Variants in WDFY3 observed in about 807,000 individuals in gnomAD.
The protein encoded by WDFY3 is WD repeat and FYVE domain containing 3.
WDFY3 carries 66 observed loss-of-function variants against 409.6 expected under a neutral mutation model. The ratio of observed to expected loss-of-function variants is 0.16; its 90% CI spans 0.13 to 0.20. The LOEUF (loss-of-function observed/expected upper bound fraction) is 0.20. Among genes scored for constraint, WDFY3 ranks in the 10% least tolerant of loss-of-function variants. The pLI is 1.00. For synonymous variants in WDFY3, 1,521 were observed against 1,537.1 expected, an observed-to-expected ratio of 0.99 and a Z score of 0.25; for missense variants, 3,031 against 4,298.1, an observed-to-expected ratio of 0.71 and a Z score of 8.24.
intron 58 of WDFY3, among the ~76,000 whole-genome samples, chr4:84,695,177 T>C (rs1425417644): frequency 6.6e-6 from 1 of 152,056 alleles, no homozygotes; most frequent in Non-Finnish European, 1.5e-5. Context: ...ACAGAAGGGA[T>C]GAGGTCTCTT....
chr4:84,814,915 G>T (rs1207756580), intron 13 of WDFY3, among the ~76,000 whole-genome samples: 2 of 152,036 alleles, frequency 1.3e-5, no homozygotes, highest in African/African-American at 4.8e-5. Flanking sequence ...GAAGATATGG[G>T]GGGACTACCA....
intron 3 of WDFY3, among the ~76,000 whole-genome samples, chr4:84,892,547 A>C (rs1210790992): frequency 2.0e-5 from 3 of 152,172 alleles, no homozygotes; most frequent in African/African-American, 7.2e-5. Flanking sequence ...CAAAATAAAG[A>C]CCACTTATTG....
intron 44 of WDFY3, among the ~76,000 whole-genome samples, chr4:84,730,519 C>A (rs1376499031): frequency 6.6e-6 from 1 of 152,154 alleles, no homozygotes; most frequent in East Asian, 1.9e-4. Context: ...TATACTCCTA[C>A]CTTACTACAC....
intron 2 of WDFY3, among the ~76,000 whole-genome samples, chr4:84,912,592 G>A (rs1767933341): frequency 6.6e-6 from 1 of 152,078 alleles, no homozygotes; most frequent in Non-Finnish European, 1.5e-5. Flanking sequence ...GGTAATTTTA[G>A]AAAGAGGTAT....
intron 32 of WDFY3, among the ~76,000 whole-genome samples, chr4:84,763,073 ATTC>A (rs1742980732): frequency 6.6e-6 from 1 of 152,212 alleles, no homozygotes; most frequent in Non-Finnish European, 1.5e-5. Flanking sequence ...AAAAACTGGC[ATTC>A]TCATTTTCCT....
At chr4:84,946,273 C>T (rs1270504148) in intron 1 of WDFY3, among the ~76,000 whole-genome samples, 1 of 152,148 alleles carries the variant, frequency 6.6e-6, no homozygotes, top group African/African-American at 2.4e-5. Context: ...AGGACTGTGG[C>T]CACCATTTAT....
chr4:84,717,986 T>G (rs1281241510), intron 48 of WDFY3, among the ~76,000 whole-genome samples: 1 of 146,524 alleles, frequency 6.8e-6, no homozygotes, highest in Admixed American at 7.1e-5. Context: ...AGGCGGAGCT[T>G]GCAGTGAGCC....
chr4:84,786,813 T>C (rs1014060873), intron 23 of WDFY3, among the ~76,000 whole-genome samples: 1 of 152,168 alleles, frequency 6.6e-6, no homozygotes, highest in Non-Finnish European at 1.5e-5. Context: ...CCAAGAAGTG[T>C]TAGCTTTTAT....
At chr4:84,857,783 A>G (rs1229674353) in intron 4 of WDFY3, among the ~76,000 whole-genome samples, 1 of 152,152 alleles carries the variant, frequency 6.6e-6, no homozygotes, top group African/African-American at 2.4e-5. Context: ...TTCATAAGTA[A>G]GGAAATGTAC....
intron 1 of WDFY3, among the ~76,000 whole-genome samples, chr4:84,950,990 C>T (rs1486311105): frequency 6.6e-6 from 1 of 152,298 alleles, no homozygotes; most frequent in Middle Eastern, 3.4e-3. Flanking sequence ...GAGAAACTCA[C>T]TTTTTCCAAA....
At chr4:84,798,343 TA>T (rs1350330990) in intron 17 of WDFY3, among the ~76,000 whole-genome samples, 1 of 152,194 alleles carries the variant, frequency 6.6e-6, no homozygotes, top group Non-Finnish European at 1.5e-5. Flanking sequence ...GAGAATATTA[TA>T]ATTCATAAAC....
intron 38 of WDFY3, among the ~76,000 whole-genome samples, chr4:84,741,462 G>T (rs1010013150): frequency 1.3e-5 from 2 of 151,912 alleles, no homozygotes; most frequent in African/African-American, 4.8e-5. Context: ...TTACAGGCGC[G>T]CACCAACATG....
rs758416622 is a variant in WDFY3 at position 84,691,695 on chromosome 4, T to C, written c.9140A>G (p.Asn3047Ser). ...QNKVLIPPTW[N>S]KTFAWGYADL... ...TGCATAGCCCCAAGCAAAAGTTTTATTCCAGGTTGGTGGGATAAGAACCTT... is the reference window on the plus strand; with the variant it reads ...TGCATAGCCCCAAGCAAAAGTTTTACTCCAGGTTGGTGGGATAAGAACCTT... The change falls in exon 60 of 68, where the codon AAT (asparagine) becomes AGT (serine). Residue 3047 changes from asparagine to serine, a missense_variant. Coordinates refer to ENST00000295888, the MANE Select transcript of WDFY3 (RefSeq NM_014991.6). The C allele has an allele frequency of 1.2e-6, 2 of 1,614,174 alleles. No individual in the cohort carries two copies. The highest frequency in any genetic ancestry group is 1.7e-6 in the Non-Finnish European group (2 of 1,180,020).
chr4:84,769,885 C>G (rs1253649011), intron 30 of WDFY3, among the ~76,000 whole-genome samples: 1 of 152,130 alleles, frequency 6.6e-6, no homozygotes, highest in Non-Finnish European at 1.5e-5. Flanking sequence ...CCACAGCCAC[C>G]TCAACCTTCA....
chr4:84,730,329 G>A lies in WDFY3; in HGVS notation c.7221+3053C>T, dbSNP rs571124173. Among the ~76,000 whole-genome samples, 20 of 152,286 alleles carry A rather than the reference G, an allele frequency of 1.3e-4. No homozygotes were observed. The South Asian group carries it at 4.1e-3, about 32-fold the overall frequency. On this transcript the variant is annotated intron_variant, in intron 44 of 67. Coordinates refer to ENST00000295888, the MANE Select transcript of WDFY3 (RefSeq NM_014991.6). ...AAAGGAAAAAAGTCTATAACTTAGG[G>A]AAGACAAGAGTGCTGGCAGTTCATT...
At chr4:84,691,837 A>G in intron 59 of WDFY3, 52 bp from the exon 60 acceptor site, 1 of 1,499,806 alleles carries the variant, frequency 6.7e-7, no homozygotes, top group Non-Finnish European at 9.1e-7. Context: ...AACTAATGTC[A>G]TTATCTCATA....
chr4:84,763,050 T>TAA (rs933267065), intron 32 of WDFY3, among the ~76,000 whole-genome samples: 4 of 151,086 alleles, frequency 2.6e-5, no homozygotes, highest in Non-Finnish European at 5.9e-5. Flanking sequence ...TTGCAAGTCC[T>TAA]AAAAAAAAAC....
At chr4:84,810,715 G>A (rs1476235857) in intron 13 of WDFY3, among the ~76,000 whole-genome samples, 1 of 152,146 alleles carries the variant, frequency 6.6e-6, no homozygotes, top group South Asian at 2.1e-4. Context: ...TTATGACTGT[G>A]TGTATACAAA....
intron 64 of WDFY3, among the ~76,000 whole-genome samples, chr4:84,679,841 T>TATACAC (rs1235574031): frequency 4.2e-5 from 6 of 141,314 alleles, no homozygotes; most frequent in Admixed American, 2.8e-4. Context: ...TATATATATA[T>TATACAC]ACACACACAC....
Sources: allele counts gnomAD v4.1 joint callset (sites outside exome capture counted in the v4.1 genomes callset), GRCh38; gene constraint gnomAD v4.1.1; transcripts MANE v1.5; gene names NCBI Gene and HGNC (gene_info 2026-07-23, HGNC 2026-07-21).